The following KIF26B variants were observed in gnomAD, a reference collection of about 807,000 sequenced individuals.
KIF26B encodes the protein kinesin family member 26B.
KIF26B carries 63 observed loss-of-function variants against 151.2 expected under a neutral mutation model. The ratio of observed to expected loss-of-function variants is 0.42; its 90% confidence interval spans 0.34 to 0.51. KIF26B has a LOEUF of 0.51. KIF26B is among the 20% of genes least tolerant of loss of function. The pLI, the probability that KIF26B is intolerant of heterozygous loss-of-function variation, is 0.07. For missense variants in KIF26B, 2,813 were observed against 2,913.6 expected (o/e 0.97, Z 0.79); for synonymous variants, 1,357 against 1,262.1 (o/e 1.08, Z -1.59).
chr1:245,646,587 G>T (rs1382610172), intron 10 of KIF26B, among the ~76,000 whole-genome samples: 1 of 152,146 alleles, frequency 6.6e-6, no homozygotes, highest in Non-Finnish European at 1.5e-5. Flanking sequence ...CCATAATAAA[G>T]ATGTGCCTGT....
rs546549261 is a variant in KIF26B at position 245,527,624 on chromosome 1, C to T, written c.1167-13143C>T. ...TCTCGGCTCACTGCAAGCTCCACCTCCCGGGTTCATGCCATTCTCCTGCCT... is the reference window on the plus strand; with the variant it reads ...TCTCGGCTCACTGCAAGCTCCACCTTCCGGGTTCATGCCATTCTCCTGCCT... On this transcript the variant is annotated intron_variant, in intron 4 of 14. Transcript: ENST00000407071. Among the ~76,000 whole-genome samples the T allele has an allele frequency of 5.5e-4, 80 of 145,240 alleles. 1 individual carries two copies. The highest frequency in any genetic ancestry group is 4.9e-3 in the South Asian group (22 of 4,524).
intron 4 of KIF26B, among the ~76,000 whole-genome samples, chr1:245,529,439 C>G (rs1451712614): frequency 6.6e-6 from 1 of 152,182 alleles, no homozygotes; most frequent in Non-Finnish European, 1.5e-5. Context: ...AAGCCCCCAG[C>G]AAGGCATGGA....
intron 9 of KIF26B, among the ~76,000 whole-genome samples, chr1:245,629,321 G>A (rs184495590): frequency 2.0e-5 from 3 of 152,198 alleles, no homozygotes; most frequent in African/African-American, 4.8e-5. Context: ...AAGCTGGGAG[G>A]CATCACGCTA....
At position 245,367,743 on chromosome 1, in the gene KIF26B, C is replaced by T. The variant is rs1030831153; in HGVS notation, c.999+376C>T. On this transcript the variant is annotated intron_variant, in intron 3 of 14. Transcript: ENST00000407071. The surrounding 1 kb of genome is among the most constrained non-coding windows in gnomAD (Gnocchi z 4.2). ...AGATACTTGGACTGGGGTCCAAGCCCCGACTTGTCCACTTATTAGCAGCGT... is the reference window on the plus strand; with the variant it reads ...AGATACTTGGACTGGGGTCCAAGCCTCGACTTGTCCACTTATTAGCAGCGT... Among the ~76,000 whole-genome samples the T allele has an allele frequency of 5.3e-5, 8 of 152,200 alleles. No homozygotes were observed. Among genetic ancestry groups the T allele is most frequent in the African/African-American group, 1.9e-4 (8 of 41,462 alleles).
chr1:245,449,951 G>A (rs1299072488), intron 4 of KIF26B, among the ~76,000 whole-genome samples: 4 of 152,162 alleles, frequency 2.6e-5, no homozygotes, highest in South Asian at 2.1e-4. Context: ...CTTACCCTAC[G>A]TGGAATGAGG....
At chr1:245,223,777 TCTC>T (rs1468315957) in intron 2 of KIF26B, among the ~76,000 whole-genome samples, 2 of 152,190 alleles carry the variant, frequency 1.3e-5, no homozygotes, top group East Asian at 3.9e-4. Flanking sequence ...GAGACATTTT[TCTC>T]CTCTACACTG....
chr1:245,257,441 A>G (rs1263149916), intron 2 of KIF26B, among the ~76,000 whole-genome samples: 1 of 152,186 alleles, frequency 6.6e-6, no homozygotes. Context: ...TTGACAGATG[A>G]TATCCCCTGC....
intron 2 of KIF26B, among the ~76,000 whole-genome samples, chr1:245,331,164 G>A (rs760864533): frequency 2.6e-5 from 4 of 152,032 alleles, no homozygotes; most frequent in East Asian, 1.9e-4. Context: ...AGCCTGCTGC[G>A]GAGGCACAGG....
In KIF26B at chr1:245,356,416, C is replaced by T. The variant is rs149457685; in HGVS notation, c.466-10418C>T. ...ACTAAAAGTACAAAAATTAGCTGGG[C>T]GTGGTGGCGGGCGCCTGTGATCCCA... On this transcript the variant is annotated intron_variant, in intron 2 of 14. Coordinates refer to ENST00000407071, the MANE Select transcript of KIF26B (RefSeq NM_018012.4). Among the ~76,000 whole-genome samples, 445 of 151,952 alleles carry T rather than the reference C, an allele frequency of 2.9e-3. 1 individual carries two copies. The highest frequency in any genetic ancestry group is 9.8e-3 in the African/African-American group (407 of 41,448).
At chr1:245,157,077 G>C (rs1354354952) in intron 2 of KIF26B, among the ~76,000 whole-genome samples, 1 of 150,334 alleles carries the variant, frequency 6.7e-6, no homozygotes, top group Non-Finnish European at 1.5e-5. Flanking sequence ...AGCTGTAAAA[G>C]CAAGCTGATG....
At chr1:245,376,660 TACTA>T (rs1230943970) in intron 3 of KIF26B, among the ~76,000 whole-genome samples, 4 of 152,310 alleles carry the variant, frequency 2.6e-5, no homozygotes, top group East Asian at 1.9e-4. Context: ...CACAATTTAC[TACTA>T]ACTATGTGGC....
chr1:245,401,904 C>A lies in KIF26B; in HGVS notation c.1000-17675C>A, dbSNP rs567915732. Among the ~76,000 whole-genome samples the A allele has an allele frequency of 1.3e-4, 19 of 151,888 alleles. No homozygotes were observed. In the East Asian group the frequency reaches 3.1e-3, roughly 25 times the overall value. ...AAACAAACAAAGAAACACACACACACAAAAACACCACCAAAAAAAACCCCC... is the reference window on the plus strand; with the variant it reads ...AAACAAACAAAGAAACACACACACAAAAAAACACCACCAAAAAAAACCCCC... On this transcript the variant is annotated intron_variant, in intron 3 of 14. Coordinates refer to ENST00000407071, the MANE Select transcript of KIF26B (RefSeq NM_018012.4).
chr1:245,175,758 G>A (rs954904557), intron 2 of KIF26B, among the ~76,000 whole-genome samples: 3 of 151,850 alleles, frequency 2.0e-5, no homozygotes, highest in East Asian at 1.9e-4. Flanking sequence ...AAGCCTCTTC[G>A]TTTGTTCCAT....
intron 12 of KIF26B, among the ~76,000 whole-genome samples, chr1:245,691,563 A>G (rs930069155): frequency 3.3e-5 from 5 of 152,230 alleles, no homozygotes; most frequent in African/African-American, 1.2e-4. Context: ...AGACATGGTC[A>G]GCATAAATCA....
Position 245,708,135 on chromosome 1 carries a change from T to C in KIF26B, c.*5529T>C, listed in dbSNP as rs1263506158. On this transcript the variant is annotated 3_prime_UTR_variant, in exon 15 of 15. Coordinates refer to ENST00000407071, the MANE Select transcript of KIF26B (RefSeq NM_018012.4). ...ATGGGCCGCCAGGCCTGGTTGTTAC[T>C]AGCTGTGCAACCTTGGGCGAGCCTC... is the stretch of plus-strand genomic sequence containing the variant. 2.0e-5 allele frequency: 3 copies of C among 152,254 alleles called. No individual in the cohort carries two copies. Among genetic ancestry groups the C allele is most frequent in the African/African-American group, 7.2e-5 (3 of 41,472 alleles). The allele number at this position is 152,254 out of a possible 1,614,324, so 9.4% of individuals were successfully genotyped here. A position where few individuals can be genotyped will look rare whatever the true frequency, so the allele number is the denominator to read the frequency against.
intron 2 of KIF26B, among the ~76,000 whole-genome samples, chr1:245,346,519 G>A (rs1040419751): frequency 3.9e-5 from 6 of 152,030 alleles, no homozygotes; most frequent in African/African-American, 1.5e-4. Flanking sequence ...GACGCTCCTG[G>A]AGTGCTATCA....
chr1:245,391,053 G>T (rs1201266134), intron 3 of KIF26B, among the ~76,000 whole-genome samples: 4 of 150,868 alleles, frequency 2.7e-5, no homozygotes, highest in African/African-American at 9.7e-5. Context: ...ATATTTTTCT[G>T]GTAAGATTTG....
intron 5 of KIF26B, among the ~76,000 whole-genome samples, chr1:245,579,767 G>C (rs1358714953): frequency 6.6e-6 from 1 of 151,840 alleles, no homozygotes; most frequent in Admixed American, 6.6e-5. Flanking sequence ...AGAATCACTT[G>C]AACCTGGAAG....
intron 3 of KIF26B, among the ~76,000 whole-genome samples, chr1:245,397,706 G>C (rs540590893): frequency 1.3e-5 from 2 of 152,272 alleles, no homozygotes; most frequent in East Asian, 3.9e-4. Context: ...ATTTGGGGCT[G>C]GATCAGACAG....
Sources: allele counts gnomAD v4.1 joint callset (sites outside exome capture counted in the v4.1 genomes callset), GRCh38; gene constraint gnomAD v4.1.1; non-coding constraint Gnocchi (gnomAD v3.1); transcripts MANE v1.5; gene names NCBI Gene and HGNC (gene_info 2026-07-23, HGNC 2026-07-21).